The following PTPRA variants were observed in gnomAD, a reference collection of about 807,000 sequenced individuals.
PTPRA encodes the protein receptor-type tyrosine-protein phosphatase alpha.
Under a neutral mutation model 104.8 loss-of-function variants are expected in PTPRA, and 25 were observed. The ratio of observed to expected loss-of-function variants is 0.24; its 90% CI spans 0.17 to 0.33. The LOEUF is 0.33. Ranked by LOEUF, PTPRA falls within the 10% of genes least tolerant of loss-of-function variation. The pLI, the probability that PTPRA is intolerant of heterozygous loss-of-function variation, is 1.00. For missense variants in PTPRA, 765 were observed against 1,015.3 expected (o/e 0.75, Z 3.35); for synonymous variants, 323 against 368.9 (o/e 0.88, Z 1.43).
chr20:2,871,303 G>A (rs552726697), upstream of PTPRA, among the ~76,000 whole-genome samples: 2 of 152,260 alleles, frequency 1.3e-5, no homozygotes, highest in African/African-American at 4.8e-5. Context: ...GAGTTGCAGA[G>A]GGAGGCTCAG....
chr20:2,899,346 C>G (rs1018114465), intron 1 of PTPRA, among the ~76,000 whole-genome samples: 3 of 152,122 alleles, frequency 2.0e-5, no homozygotes, highest in African/African-American at 7.2e-5. Context: ...GTGTTACTCA[C>G]AGTTCTTCTG....
intron 1 of PTPRA, among the ~76,000 whole-genome samples, chr20:2,915,089 T>C (rs1482398935): frequency 6.6e-6 from 1 of 152,138 alleles, no homozygotes; most frequent in Non-Finnish European, 1.5e-5. Context: ...TTCTTTTTTT[T>C]TTTTAAAGAG....
chr20:2,932,176 G>T (rs962019481), intron 2 of PTPRA, among the ~76,000 whole-genome samples: 1 of 152,138 alleles, frequency 6.6e-6, no homozygotes, highest in African/African-American at 2.4e-5. Context: ...CATGTCAAAT[G>T]CAAGTCAAGG....
intron 13 of PTPRA, among the ~76,000 whole-genome samples, chr20:3,020,922 C>T (rs1260513685): frequency 1.3e-5 from 2 of 152,204 alleles, no homozygotes; most frequent in Admixed American, 6.5e-5. Context: ...CCCTGGTGGC[C>T]CCCTCATAGC....
chr20:2,935,202 T>C (rs918453151), intron 2 of PTPRA, among the ~76,000 whole-genome samples: 4 of 152,224 alleles, frequency 2.6e-5, no homozygotes, highest in Non-Finnish European at 5.9e-5. Flanking sequence ...TTTCTATGAA[T>C]TCAACTTTTT....
At chr20:2,892,795 T>C (rs986119217) in intron 1 of PTPRA, among the ~76,000 whole-genome samples, 1 of 152,238 alleles carries the variant, frequency 6.6e-6, no homozygotes, top group Non-Finnish European at 1.5e-5. Context: ...ATTTACCCAG[T>C]TGAGTTTAGT....
At position 2,916,959 on chromosome 20, in the gene PTPRA, CT is replaced by C. The variant is rs35317223; in HGVS notation, c.-128-6232del. On this transcript the variant is annotated intron_variant, in intron 1 of 23. Transcript: ENST00000399903. ...AATTTTAGGATCAGTTTTTTTATTT[CT>C]TTTTTTTTTTTTTTTGAGACAGAGT... Among the ~76,000 whole-genome samples, 555 of 131,510 alleles carry C rather than the reference CT, an allele frequency of 4.2e-3. 3 individuals carry two copies. The highest frequency in any genetic ancestry group is 0.027 in the Middle Eastern group (7 of 258). The allele number at this position is 131,510 out of a possible 152,430, so 86.3% of individuals were successfully genotyped here. A position where few individuals can be genotyped will look rare whatever the true frequency, so the allele number is the denominator to read the frequency against.
At chr20:3,021,265 G>T (rs903906611) in intron 13 of PTPRA, 44 bp from the exon 14 acceptor site, 3 of 1,611,762 alleles carry the variant, frequency 1.9e-6, no homozygotes, top group Non-Finnish European at 2.5e-6. Flanking sequence ...TCTGCCATGG[G>T]CAGGAGGTCT....
At chr20:2,994,407 A>T (rs2063317933) in intron 9 of PTPRA, among the ~76,000 whole-genome samples, 1 of 152,172 alleles carries the variant, frequency 6.6e-6, no homozygotes, top group Non-Finnish European at 1.5e-5. Flanking sequence ...ACAATGAATT[A>T]TTCACAGCCA....
At chr20:2,904,135 TGAACTCCTGGGCTC>T (rs2147132739) in intron 1 of PTPRA, among the ~76,000 whole-genome samples, 1 of 152,200 alleles carries the variant, frequency 6.6e-6, no homozygotes, top group African/African-American at 2.4e-5. Flanking sequence ...CGGCTGGTCT[TGAACTCCTGGGCTC>T]AAGTGATCTT....
chr20:3,027,624 A>G, intron 19 of PTPRA, 83 bp from the exon 20 acceptor site: 4 of 1,528,720 alleles, frequency 2.6e-6, no homozygotes, highest in Non-Finnish European at 3.6e-6. Context: ...AGCAGTCCCC[A>G]TTCCCTTCTA....
rs76762844 is a variant in PTPRA, at chr20:2,915,245, C to T, written c.-128-7962C>T. 2.5e-3 allele frequency among the ~76,000 whole-genome samples: 375 copies of T among 152,270 alleles called. 2 individuals are homozygous for T. The South Asian group carries it at 0.027, about 11-fold the overall frequency. ...TAGCTGAGATTAGAGGTGTGGGCCACTGTACCAGGTTCCTTCCTTTCTAAG... is the reference window on the plus strand; with the variant it reads ...TAGCTGAGATTAGAGGTGTGGGCCATTGTACCAGGTTCCTTCCTTTCTAAG... On this transcript the variant is annotated intron_variant, in intron 1 of 23. Coordinates refer to ENST00000399903, the MANE Select transcript of PTPRA (RefSeq NM_001385305.1).
chr20:2,975,271 CT>C, intron 6 of PTPRA, 30 bp downstream of exon 6: 2 of 1,565,640 alleles, frequency 1.3e-6, no homozygotes, highest in Non-Finnish European at 8.8e-7. Context: ...TCTGTTGTTC[CT>C]TTTACACAGT....
At chr20:2,915,079 T>C (rs2059852373) in intron 1 of PTPRA, among the ~76,000 whole-genome samples, 1 of 152,030 alleles carries the variant, frequency 6.6e-6, no homozygotes, top group South Asian at 2.1e-4. Flanking sequence ...TTCATTCTTC[T>C]TCTTTTTTTT....
intron 1 of PTPRA, among the ~76,000 whole-genome samples, chr20:2,920,950 G>A (rs2060075484): frequency 6.6e-6 from 1 of 152,168 alleles, no homozygotes; most frequent in African/African-American, 2.4e-5. Flanking sequence ...TCATGATGGA[G>A]TGAAGGGCTA....
intron 6 of PTPRA, among the ~76,000 whole-genome samples, chr20:2,983,806 A>T (rs1787161269): frequency 6.6e-6 from 1 of 152,120 alleles, no homozygotes. Flanking sequence ...GGTGGCAAAT[A>T]GGCAGTTGAG....
intron 1 of PTPRA, among the ~76,000 whole-genome samples, chr20:2,900,745 T>G (rs1475741608): frequency 4.0e-5 from 6 of 151,158 alleles, no homozygotes; most frequent in African/African-American, 1.5e-4. Context: ...TAATCCCAGC[T>G]ACTTTGGAGG....
chr20:3,003,078 C>T (rs998915123), intron 9 of PTPRA, among the ~76,000 whole-genome samples: 8 of 152,078 alleles, frequency 5.3e-5, no homozygotes, highest in African/African-American at 1.9e-4. Context: ...CTTTCTGATA[C>T]TTCATCTCTA....
At chr20:2,866,178 A>G in the PTPRA span, 2 of 1,594,072 alleles carry the variant, frequency 1.3e-6, no homozygotes, top group African/African-American at 2.7e-5. Flanking sequence ...GCTGTGCATT[A>G]CCTTCTCCCT....
Sources: allele counts gnomAD v4.1 joint callset (sites outside exome capture counted in the v4.1 genomes callset), GRCh38; gene constraint gnomAD v4.1.1; transcripts MANE v1.5; gene names NCBI Gene and HGNC (gene_info 2026-07-23, HGNC 2026-07-21).